The following TBL1X variants were observed in gnomAD, a reference collection of about 807,000 sequenced individuals.
TBL1X encodes transducin beta like 1 X-linked.
Under a neutral mutation model 50.7 loss-of-function variants are expected in TBL1X, and 10 were observed. The observed-to-expected ratio is 0.20, with a 90% CI of 0.12 to 0.33. The LOEUF (loss-of-function observed/expected upper bound fraction) is 0.33. TBL1X is among the 10% of genes least tolerant of loss of function. The pLI is 1.00. For synonymous variants in TBL1X, 190 were observed against 214.7 expected (o/e 0.88, Z 1.01); for missense variants, 340 against 504.4 (o/e 0.67, Z 3.12).
At chrX:9,712,552 G>A (rs1276275452) in intron 16 of TBL1X, among the ~76,000 whole-genome samples, 2 of 111,886 alleles carry the variant, frequency 1.8e-5, no homozygotes, top group Non-Finnish European at 3.8e-5. Flanking sequence ...GGCCAGGATG[G>A]TCTTGAACTC....
intron 2 of TBL1X, among the ~76,000 whole-genome samples, chrX:9,567,360 G>A (rs763233065): frequency 9.0e-6 from 1 of 111,146 alleles, no homozygotes; most frequent in East Asian, 2.8e-4. Context: ...TGGAGCCAGC[G>A]TGCACCGCCA....
chrX:9,626,118 C>G (rs1466248343), intron 2 of TBL1X, among the ~76,000 whole-genome samples: 1 of 111,348 alleles, frequency 9.0e-6, no homozygotes, highest in Non-Finnish European at 1.9e-5. Context: ...TTAGGGAAGA[C>G]TAAACTCATG....
intron 1 of TBL1X, among the ~76,000 whole-genome samples, chrX:9,469,555 C>T (rs1220424310): frequency 8.9e-6 from 1 of 112,480 alleles, no homozygotes; most frequent in Non-Finnish European, 1.9e-5. Context: ...TAGTAGTTTG[C>T]TTTGTTTTTT....
intron 3 of TBL1X, among the ~76,000 whole-genome samples, chrX:9,645,815 C>G (rs754236328): frequency 4.9e-4 from 55 of 111,963 alleles, no homozygotes; most frequent in African/African-American, 1.8e-3. Flanking sequence ...ATGTGTTTTC[C>G]TACAGGTTTG....
At chrX:9,535,045 T>C (rs5934645) in intron 2 of TBL1X, 28,834 of 110,558 alleles carry the variant, frequency 0.26, 2,757 homozygotes, top group East Asian at 0.51. Flanking sequence ...GTAAGTACTT[T>C]TATTATTCTT....
intron 5 of TBL1X, among the ~76,000 whole-genome samples, chrX:9,655,010 TAAAC>T (rs749673624): frequency 1.4e-4 from 16 of 110,852 alleles, no homozygotes; most frequent in Non-Finnish European, 1.9e-4. Flanking sequence ...CTGTTCAACT[TAAAC>T]AAACCTCTCA....
chrX:9,653,054 A>G (rs1379831330), intron 3 of TBL1X, among the ~76,000 whole-genome samples: 1 of 111,213 alleles, frequency 9.0e-6, no homozygotes, highest in Non-Finnish European at 1.9e-5. Context: ...AGTCCCAGCT[A>G]CTCGGGAGGC....
intron 2 of TBL1X, among the ~76,000 whole-genome samples, chrX:9,619,648 T>A (rs1405766424): frequency 8.9e-6 from 1 of 112,672 alleles, no homozygotes; most frequent in African/African-American, 3.2e-5. Context: ...TCCGTCTGTG[T>A]AATATTTAAA....
chrX:9,585,414 T>C (rs919783014), intron 2 of TBL1X, among the ~76,000 whole-genome samples: 23 of 101,607 alleles, frequency 2.3e-4, no homozygotes, highest in Non-Finnish European at 4.1e-4. Flanking sequence ...GAATTTGCAT[T>C]TTAGTAAGCT....
At chrX:9,634,774 C>T (rs1056294254) in intron 2 of TBL1X, among the ~76,000 whole-genome samples, 1 of 111,836 alleles carries the variant, frequency 8.9e-6, no homozygotes, top group Non-Finnish European at 1.9e-5. Context: ...CTCTGAAGAG[C>T]ATGCCTTGGC....
At chrX:9,711,062 C>T (rs748867614) in intron 15 of TBL1X, among the ~76,000 whole-genome samples, 1 of 111,635 alleles carries the variant, frequency 9.0e-6, no homozygotes, top group Non-Finnish European at 1.9e-5. Context: ...AGAAACAGGG[C>T]TGGGCGCAGT....
chrX:9,536,454 G>A (rs543465177), intron 2 of TBL1X, among the ~76,000 whole-genome samples: 2 of 110,618 alleles, frequency 1.8e-5, no homozygotes, highest in South Asian at 7.7e-4. Flanking sequence ...GTTTCACCAT[G>A]TGGGCCAGCA....
intron 11 of TBL1X, among the ~76,000 whole-genome samples, chrX:9,695,530 G>T (rs1019087364): frequency 8.9e-6 from 1 of 112,457 alleles, no homozygotes; most frequent in African/African-American, 3.2e-5. Flanking sequence ...ATTGCTGCTT[G>T]AGTTATTAAA....
At chrX:9,715,735 G>T (rs922070519) in intron 17 of TBL1X, among the ~76,000 whole-genome samples, 3 of 111,859 alleles carry the variant, frequency 2.7e-5, no homozygotes, top group Admixed American at 9.4e-5. Context: ...CGGGCCTCTG[G>T]TGGCCATCCT....
At chrX:9,585,910 C>G (rs1267436865) in intron 2 of TBL1X, among the ~76,000 whole-genome samples, 1 of 111,865 alleles carries the variant, frequency 8.9e-6, no homozygotes, top group East Asian at 2.8e-4. Flanking sequence ...CTTAACCTTT[C>G]TAATCCTCAA....
upstream of TBL1X, among the ~76,000 whole-genome samples, chrX:9,463,736 C>CA (rs1381157548): frequency 7.2e-5 from 8 of 110,614 alleles, 1 homozygote; most frequent in East Asian, 5.7e-4. Flanking sequence ...ACTAAAAATA[C>CA]AAAAAAAATT....
intron 2 of TBL1X, among the ~76,000 whole-genome samples, chrX:9,556,702 G>C (rs2082302139): frequency 9.0e-6 from 1 of 110,931 alleles, no homozygotes; most frequent in South Asian, 3.8e-4. Context: ...AGTTCCAAAT[G>C]GGTCTTATTC....
At chrX:9,647,231 C>T (rs2082809760) in intron 3 of TBL1X, among the ~76,000 whole-genome samples, 1 of 111,775 alleles carries the variant, frequency 8.9e-6, no homozygotes. Flanking sequence ...ATAATCTCCC[C>T]TTCAGCTTCT....
chrX:9,542,118 A>G (rs184353845), intron 2 of TBL1X, among the ~76,000 whole-genome samples: 53 of 111,031 alleles, frequency 4.8e-4, no homozygotes, highest in South Asian at 4.2e-3. Flanking sequence ...ACTTTTGCCT[A>G]GTTAAATTTT....
Sources: gnomAD v4.1 joint callset for allele counts (sites outside exome capture counted in the v4.1 genomes callset) on GRCh38, gnomAD v4.1.1 for gene constraint, MANE v1.5 for transcripts, NCBI Gene and HGNC (gene_info 2026-07-23, HGNC 2026-07-21) for gene names.